SMIM14: variants seen among roughly 807,000 people sequenced by gnomAD.
SMIM14 encodes small integral membrane protein 14, also known as chromosome 4 open reading frame 34.
A neutral mutation model predicts 12.6 loss-of-function variants in SMIM14; 5 were observed. That is an observed-to-expected ratio of 0.40 (90% CI 0.21 to 0.83). The LOEUF (loss-of-function observed/expected upper bound fraction) is 0.83. Ranked by LOEUF, SMIM14 falls within the 40% of genes least tolerant of loss-of-function variation. SMIM14 has a pLI of 0.37. For missense variants in SMIM14, 86 were observed against 119.1 expected (o/e 0.72, Z 1.29); for synonymous variants, 30 against 40.1 (o/e 0.75, Z 0.95).
At position 39,553,841 on chromosome 4, in the gene SMIM14, G is replaced by C. The variant is rs369670816; in HGVS notation, c.268-1683C>G. On this transcript the variant is annotated intron_variant, in intron 4 of 4. Coordinates refer to ENST00000295958, the MANE Select transcript of SMIM14 (RefSeq NM_174921.3). ...ACTCCTGACCTCAGGTGATCCGCCC[G>C]CCTCAGCCTCCCAAAGTGCTGGGAT... Among the ~76,000 whole-genome samples, 88 of 152,108 alleles carry C rather than the reference G, an allele frequency of 5.8e-4. 1 individual carries two copies. The highest frequency in any genetic ancestry group is 2.0e-3 in the African/African-American group (85 of 41,492).
intron 3 of SMIM14, among the ~76,000 whole-genome samples, chr4:39,560,876 C>A (rs1338774111): frequency 6.6e-6 from 1 of 152,008 alleles, no homozygotes; most frequent in African/African-American, 2.4e-5. Flanking sequence ...AATTTTTCCT[C>A]CTAAATATCA....
chr4:39,568,394 T>A (rs1158453879), intron 3 of SMIM14, among the ~76,000 whole-genome samples: 2 of 152,114 alleles, frequency 1.3e-5, no homozygotes, highest in African/African-American at 2.4e-5. Context: ...AATGAATAAA[T>A]GATATTTCTG....
chr4:39,586,548 T>G (rs1248382094), intron 2 of SMIM14, among the ~76,000 whole-genome samples: 1 of 152,114 alleles, frequency 6.6e-6, no homozygotes, highest in African/African-American at 2.4e-5. Context: ...TTCTGTAAGA[T>G]GGAAGCTTGC....
At chr4:39,584,481 C>CAAAAAAAAAAAAAAAAAAAGAAA (rs1713676215) in intron 2 of SMIM14, among the ~76,000 whole-genome samples, 1 of 27,618 alleles carries the variant, frequency 3.6e-5, no homozygotes, top group African/African-American at 7.3e-5. Flanking sequence ...GACACTGTCT[C>CAAAAAAAAAAAAAAAAAAAGAAA]AAAAAAAAAA....
intron 2 of SMIM14, among the ~76,000 whole-genome samples, chr4:39,585,588 C>T (rs1050702263): frequency 1.3e-5 from 2 of 152,016 alleles, no homozygotes; most frequent in Non-Finnish European, 2.9e-5. Flanking sequence ...TGAGCCACTG[C>T]GCCCAGCCTA....
chr4:39,568,570 G>A lies in SMIM14; in HGVS notation c.124+3845C>T, dbSNP rs139691271. On this transcript the variant is annotated intron_variant, in intron 3 of 4. Coordinates refer to ENST00000295958, the MANE Select transcript of SMIM14 (RefSeq NM_174921.3). ...TAAAAAAGTCAGAAGAGAATAAAAC[G>A]TATTTCTTCAAGGCTTATTTCAATT... Among the ~76,000 whole-genome samples the A allele has an allele frequency of 9.1e-4, 138 of 152,142 alleles. 1 individual carries two copies. The highest frequency in any genetic ancestry group is 3.2e-3 in the African/African-American group (132 of 41,512).
chr4:39,619,190 T>A (rs981484468), intron 1 of SMIM14, among the ~76,000 whole-genome samples: 8 of 144,500 alleles, frequency 5.5e-5, no homozygotes, highest in African/African-American at 1.7e-4. Flanking sequence ...TAAATATAAT[T>A]TAATTTATTC....
At chr4:39,600,932 C>T (rs1714586468) in intron 2 of SMIM14, among the ~76,000 whole-genome samples, 1 of 151,784 alleles carries the variant, frequency 6.6e-6, no homozygotes, top group African/African-American at 2.4e-5. Flanking sequence ...TGAATAAATA[C>T]AATTTTATTT....
At chr4:39,638,393 G>T in intron 1 of SMIM14, 1 of 877,718 alleles carries the variant, frequency 1.1e-6, no homozygotes, top group Non-Finnish European at 1.4e-6. Flanking sequence ...TTTCCTTCCA[G>T]CTACGACTCT....
At position 39,558,941 on chromosome 4, in the gene SMIM14, C is replaced by T. The variant is rs1712145482; in HGVS notation, c.125-2371G>A. On this transcript the variant is annotated intron_variant, in intron 3 of 4. Coordinates refer to ENST00000295958, the MANE Select transcript of SMIM14 (RefSeq NM_174921.3). The surrounding 1 kb of genome is among the most constrained non-coding windows in gnomAD (Gnocchi z 4.3). ...GCCAGGCTGGTCTCAAACTCCTGAC[C>T]TCGTGATCTGCCTGCTTCGGCCTCC... Among the ~76,000 whole-genome samples the T allele has an allele frequency of 6.6e-6, 1 of 152,182 alleles. No individual in the cohort carries two copies. The highest frequency in any genetic ancestry group is 6.5e-5 in the Admixed American group (1 of 15,270).
chr4:39,608,360 C>T (rs1714894239), intron 1 of SMIM14, among the ~76,000 whole-genome samples: 2 of 152,182 alleles, frequency 1.3e-5, no homozygotes, highest in African/African-American at 4.8e-5. Flanking sequence ...ATATTCAGAG[C>T]AGCATTGTTT....
At chr4:39,637,328 TCTTTC>T (rs1191094956) in intron 1 of SMIM14, among the ~76,000 whole-genome samples, 4 of 152,166 alleles carry the variant, frequency 2.6e-5, no homozygotes, top group Admixed American at 6.5e-5. Context: ...CTTCAAGAAA[TCTTTC>T]CTTCTTCTAA....
At chr4:39,582,921 T>A (rs1713587483) in intron 2 of SMIM14, among the ~76,000 whole-genome samples, 1 of 151,916 alleles carries the variant, frequency 6.6e-6, no homozygotes, top group Non-Finnish European at 1.5e-5. Flanking sequence ...GCCTCCCAAG[T>A]AGCTGGGATT....
intron 1 of SMIM14, among the ~76,000 whole-genome samples, chr4:39,617,976 T>A (rs1218657365): frequency 6.6e-6 from 1 of 152,176 alleles, no homozygotes; most frequent in Non-Finnish European, 1.5e-5. Flanking sequence ...CCAAGGTGCA[T>A]CTGCAATCAA....
At chr4:39,552,250 A>AGGGCCGGGCGCGGTGG in intron 4 of SMIM14, 92 bp from the exon 5 acceptor site, 1 of 1,084,064 alleles carries the variant, frequency 9.2e-7, no homozygotes, top group Non-Finnish European at 1.3e-6. Flanking sequence ...TGACTTATTA[A>AGGGCCGGGCGCGGTGG]ATCCCAGTGC....
chr4:39,599,189 T>C (rs907043006), intron 2 of SMIM14, among the ~76,000 whole-genome samples: 6 of 152,200 alleles, frequency 3.9e-5, no homozygotes, highest in African/African-American at 1.4e-4. Context: ...TTGAGAAGTC[T>C]AAAGTCGTTT....
At chr4:39,594,977 C>A (rs1403500962) in intron 2 of SMIM14, among the ~76,000 whole-genome samples, 5 of 150,390 alleles carry the variant, frequency 3.3e-5, no homozygotes, top group Admixed American at 6.6e-5. Flanking sequence ...TAGTTCAACC[C>A]TTGTGGAAGT....
rs565078018 is a variant in SMIM14, at chr4:39,558,975, T to C, written c.125-2405A>G. ...TGCCTGCTTCGGCCTCCCAAAGTGC[T>C]GGGATTACAGGCATGAGCCACCGCG... On this transcript the variant is annotated intron_variant, in intron 3 of 4. Coordinates refer to ENST00000295958, the MANE Select transcript of SMIM14 (RefSeq NM_174921.3). The surrounding 1 kb of genome is among the most constrained non-coding windows in gnomAD (Gnocchi z 4.3). 2.0e-5 allele frequency among the ~76,000 whole-genome samples: 3 copies of C among 152,344 alleles called. No homozygotes were observed. The highest frequency in any genetic ancestry group is 2.1e-4 in the South Asian group (1 of 4,826).
chr4:39,638,315 TCACCGTAC>T (rs1248097414), intron 1 of SMIM14: 1 of 301,596 alleles, frequency 3.3e-6, no homozygotes, highest in African/African-American at 2.3e-5. Context: ...CCTAGTGACT[TCACCGTAC>T]CCAGAAAGGG....
Sources: allele counts gnomAD v4.1 joint callset (sites outside exome capture counted in the v4.1 genomes callset), GRCh38; gene constraint gnomAD v4.1.1; non-coding constraint Gnocchi (gnomAD v3.1); transcripts MANE v1.5; gene names NCBI Gene and HGNC (gene_info 2026-07-23, HGNC 2026-07-21).